The following HERC3 variants were observed in gnomAD, a reference collection of about 807,000 sequenced individuals.
The protein encoded by HERC3 is probable E3 ubiquitin-protein ligase HERC3.
In HERC3, 58 loss-of-function variants were observed where a neutral mutation model predicts 129.9. The observed-to-expected ratio is 0.45, with a 90% CI of 0.36 to 0.56. HERC3 has a LOEUF of 0.56. Ranked by LOEUF, HERC3 falls within the 20% of genes least tolerant of loss-of-function variation. The pLI is 0.00. For synonymous variants in HERC3, 430 were observed against 451.0 expected (o/e 0.95, Z 0.59); for missense variants, 835 against 1,244.2 (o/e 0.67, Z 4.95).
chr4:88,698,845 C>T (rs972401548), intron 23 of HERC3, among the ~76,000 whole-genome samples: 1 of 148,328 alleles, frequency 6.7e-6, no homozygotes, highest in Non-Finnish European at 1.5e-5. Flanking sequence ...CTCACCTTCC[C>T]CCCGCCGCAC....
intron 23 of HERC3, among the ~76,000 whole-genome samples, chr4:88,703,893 C>A (rs1278850579): frequency 6.6e-6 from 1 of 152,130 alleles, no homozygotes; most frequent in Non-Finnish European, 1.5e-5. Flanking sequence ...CTTGGATCAC[C>A]TGAGGCACTT....
chr4:88,633,948 G>A (rs903787137), intron 3 of HERC3, among the ~76,000 whole-genome samples: 1 of 152,144 alleles, frequency 6.6e-6, no homozygotes, highest in South Asian at 2.1e-4. Context: ...TTCGAGGGGG[G>A]CGGGGCCGAG....
chr4:88,651,984 C>T (rs1386796195), intron 4 of HERC3, 28 bp from the exon 5 acceptor site: 1 of 1,451,532 alleles, frequency 6.9e-7, no homozygotes, highest in East Asian at 2.3e-5. Flanking sequence ...GAATATCTAT[C>T]TGAAAAAGAA....
At chr4:88,685,846 G>T (rs747887220) in intron 21 of HERC3, among the ~76,000 whole-genome samples, 7 of 152,000 alleles carry the variant, frequency 4.6e-5, no homozygotes, top group African/African-American at 9.7e-5. Context: ...TTTTATCTGT[G>T]TACTAATAAT....
At chr4:88,635,330 TG>T (rs1727260764) in intron 3 of HERC3, among the ~76,000 whole-genome samples, 1 of 151,636 alleles carries the variant, frequency 6.6e-6, no homozygotes, top group Non-Finnish European at 1.5e-5. Flanking sequence ...AGCTGAAAAA[TG>T]CAACGTGAGA....
At chr4:88,610,323 C>T (rs1479480440) in intron 3 of HERC3, among the ~76,000 whole-genome samples, 2 of 151,934 alleles carry the variant, frequency 1.3e-5, no homozygotes, top group East Asian at 1.9e-4. Context: ...CATGGTGGCG[C>T]GTGCCTGTAA....
At chr4:88,658,086 G>T (rs1730111411) in intron 9 of HERC3, among the ~76,000 whole-genome samples, 1 of 152,204 alleles carries the variant, frequency 6.6e-6, no homozygotes, top group Non-Finnish European at 1.5e-5. Flanking sequence ...ATGCTGAATT[G>T]TTACCATAAA....
At chr4:88,678,835 C>G (rs1459627868) in intron 19 of HERC3, among the ~76,000 whole-genome samples, 1 of 152,164 alleles carries the variant, frequency 6.6e-6, no homozygotes, top group Non-Finnish European at 1.5e-5. Flanking sequence ...TCCAAAATTC[C>G]TAATAAGTAG....
chr4:88,619,435 A>T (rs575978291), intron 3 of HERC3, among the ~76,000 whole-genome samples: 1 of 152,232 alleles, frequency 6.6e-6, no homozygotes, highest in South Asian at 2.1e-4. Context: ...TTCACCTGGC[A>T]TACAGAACTA....
the HERC3 span, among the ~76,000 whole-genome samples, chr4:88,562,568 G>A: frequency 2.0e-5 from 3 of 152,100 alleles, no homozygotes; most frequent in Non-Finnish European, 2.9e-5. Context: ...ACTAAAGAAA[G>A]TTTTGCCCAG....
At chr4:88,525,990 G>A in the HERC3 span, among the ~76,000 whole-genome samples, 2 of 152,192 alleles carry the variant, frequency 1.3e-5, no homozygotes, top group Admixed American at 6.5e-5. Context: ...TCTTGGAGAA[G>A]CTACTTAAGT....
At chr4:88,649,348 G>A (rs955618518) in intron 3 of HERC3, among the ~76,000 whole-genome samples, 3 of 152,146 alleles carry the variant, frequency 2.0e-5, no homozygotes, top group Admixed American at 2.0e-4. Context: ...TTCCTGGCTG[G>A]ATACAGACAA....
rs530060602 is a variant in HERC3 at position 88,658,105 on chromosome 4, C to T, written c.1070-310C>T. On this transcript the variant is annotated intron_variant, in intron 9 of 25. Coordinates refer to ENST00000402738, the MANE Select transcript of HERC3 (RefSeq NM_014606.3). ...TGAATTGTTACCATAAAGAATAGTG[C>T]CCATTTCAGATTTCAGGTCAGTGGC... 1.4e-4 allele frequency among the ~76,000 whole-genome samples: 21 copies of T among 152,148 alleles called. No homozygotes were observed. In the South Asian group the frequency reaches 4.4e-3, roughly 32 times the overall value.
chr4:88,549,087 C>T, the HERC3 span, among the ~76,000 whole-genome samples: 4 of 152,006 alleles, frequency 2.6e-5, no homozygotes, highest in African/African-American at 9.7e-5. Flanking sequence ...ATATTTATGC[C>T]TATATTTTCT....
chr4:88,689,902 C>A, intron 23 of HERC3: 1 of 707,364 alleles, frequency 1.4e-6, no homozygotes, highest in Non-Finnish European at 1.7e-6. Flanking sequence ...TAACAAACGA[C>A]TCGAAGCTAG....
intron 25 of HERC3, among the ~76,000 whole-genome samples, chr4:88,706,304 A>G (rs949794091): frequency 2.6e-5 from 4 of 152,096 alleles, no homozygotes; most frequent in African/African-American, 9.7e-5. Flanking sequence ...CAAGAGTGCA[A>G]TGTCTAACAT....
At chr4:88,689,532 CAA>C (rs34892852) in intron 23 of HERC3, among the ~76,000 whole-genome samples, 1,968 of 103,602 alleles carry the variant, frequency 0.019, 53 homozygotes, top group African/African-American at 0.064. Flanking sequence ...CCGCCCCCGC[CAA>C]AAAAAAAAAA....
chr4:88,661,173 G>T (rs1038209852), intron 10 of HERC3, among the ~76,000 whole-genome samples: 1 of 152,110 alleles, frequency 6.6e-6, no homozygotes, highest in Admixed American at 6.6e-5. Flanking sequence ...TAAAATTTAC[G>T]TAACAACAGT....
chr4:88,678,985 T>C (rs1732462998), intron 19 of HERC3, among the ~76,000 whole-genome samples: 1 of 152,220 alleles, frequency 6.6e-6, no homozygotes, highest in Non-Finnish European at 1.5e-5. Context: ...TCTTCTGGCA[T>C]CTGTGTAATC....
Sources: allele counts gnomAD v4.1 joint callset (sites outside exome capture counted in the v4.1 genomes callset), GRCh38; gene constraint gnomAD v4.1.1; transcripts MANE v1.5; gene names NCBI Gene and HGNC (gene_info 2026-07-23, HGNC 2026-07-21).